DICER1: variants seen among roughly 807,000 people sequenced by gnomAD.
The protein encoded by DICER1 is endoribonuclease Dicer.
In DICER1, 43 loss-of-function variants were observed where a neutral mutation model predicts 194.1. The observed-to-expected ratio is 0.22, with a 90% CI of 0.17 to 0.29. The LOEUF is 0.29. Among genes scored for constraint, DICER1 ranks in the 10% least tolerant of loss-of-function variants. The pLI is 1.00. For missense variants in DICER1, 1,608 were observed against 2,317.0 expected, an observed-to-expected ratio of 0.69 and a Z score of 6.28; for synonymous variants, 832 against 820.5, an observed-to-expected ratio of 1.01 and a Z score of -0.24.
In DICER1 at chr14:95,089,233, T is replaced by C. The variant is rs1222600692; in HGVS notation, c.*1265A>G. The C allele has an allele frequency of 4.3e-6, 1 of 229,886 alleles. No individual in the cohort carries two copies. Among genetic ancestry groups the C allele is most frequent in the Non-Finnish European group, 8.6e-6 (1 of 116,650 alleles). The allele number at this position is 229,886 out of a possible 1,614,324, so 14.2% of individuals were successfully genotyped here. On this transcript the variant is annotated 3_prime_UTR_variant, in exon 27 of 27. Transcript: ENST00000343455. Reference sequence around the variant, plus strand: ...TTTTTTCCTTTTCCAAAGATGGAAATAATGAGCTAGTTTATCTAAATTAAT... The same window carrying C: ...TTTTTTCCTTTTCCAAAGATGGAAACAATGAGCTAGTTTATCTAAATTAAT...
rs1007316626 is a variant in DICER1 at position 95,115,601 on chromosome 14, G to A, written c.1907+66C>T. The A allele has an allele frequency of 1.3e-5, 20 of 1,553,514 alleles. No individual in the cohort carries two copies. In the African/African-American group the frequency reaches 1.6e-4, roughly 13 times the overall value. Reference sequence around the variant, plus strand: ...CCGCAAAATGTCAACAATACAAAATGTACAGGTTTAGACTTAAACTGTGCA... The same window carrying A: ...CCGCAAAATGTCAACAATACAAAATATACAGGTTTAGACTTAAACTGTGCA... On this transcript the variant is annotated intron_variant, in intron 11 of 26. Transcript: ENST00000343455.
At position 95,096,693 on chromosome 14, in the gene DICER1, C is replaced by T. The variant is rs766248937; in HGVS notation, c.4227G>A (p.Ala1409=). Residue 1409 remains alanine (A), a synonymous_variant, in exon 23 of 27, where the codon GCG becomes GCA. Transcript: ENST00000343455. ...KDEMTKDCML[A]NGKLDEDYEE... ...CGTAATCCTCATCCAGTTTGCCATT[C>T]GCCAGCATGCAGTCTTTTGTCTGAA... is the stretch of plus-strand genomic sequence containing the variant. 47 of 1,610,504 alleles carry T rather than the reference C, an allele frequency of 2.9e-5. No homozygotes were observed. In the South Asian group the frequency reaches 3.1e-4, roughly 11 times the overall value.
chr14:95,154,757 G>A (rs1211771), intron 1 of DICER1, among the ~76,000 whole-genome samples: 13 of 151,656 alleles, frequency 8.6e-5, no homozygotes, highest in African/African-American at 2.4e-4. Context: ...AGATGAAAAA[G>A]TATGGAGATG....
rs1003490037 is a variant in DICER1 at position 95,105,578 on chromosome 14, A to C, written c.3093+100T>G. On this transcript the variant is annotated intron_variant, in intron 19 of 26. Transcript: ENST00000343455. This position sits in a 1 kb window ranked among gnomAD's most constrained non-coding sequence, Gnocchi z 4.9. ...TAGGTAACTTCTAAAAAATTAACGA[A>C]TCATGCATTTAACTTGGTAAGATAA... is the stretch of plus-strand genomic sequence containing the variant. The C allele has an allele frequency of 1.6e-4, 151 of 950,704 alleles. 2 individuals carry two copies. The highest frequency in any genetic ancestry group is 3.0e-4 in the African/African-American group (18 of 61,016). The allele number at this position is 950,704 out of a possible 1,614,324, so 58.9% of individuals were successfully genotyped here.
At chr14:95,110,378 C>A (rs925524588) in intron 14 of DICER1, among the ~76,000 whole-genome samples, 6 of 152,226 alleles carry the variant, frequency 3.9e-5, no homozygotes, top group Non-Finnish European at 8.8e-5. Context: ...ACATGCATCC[C>A]CATGCTCACT....
chr14:95,117,297 TG>T (rs1892560144), intron 9 of DICER1, among the ~76,000 whole-genome samples: 1 of 152,140 alleles, frequency 6.6e-6, no homozygotes, highest in Non-Finnish European at 1.5e-5. Context: ...CATAGTCATA[TG>T]GAATGTACAA....
intron 1 of DICER1, among the ~76,000 whole-genome samples, chr14:95,145,510 A>C (rs1004583844): frequency 1.2e-4 from 18 of 152,244 alleles, no homozygotes; most frequent in Non-Finnish European, 2.4e-4. Context: ...AACAAGAAAT[A>C]GTAATAATCA....
At position 95,090,408 on chromosome 14, in the gene DICER1, T is replaced by C; in HGVS notation, c.*90A>G. 6.9e-7 allele frequency: 1 copy of C among 1,440,548 alleles called. No homozygotes were observed. The highest frequency in any genetic ancestry group is 9.7e-7 in the Non-Finnish European group (1 of 1,027,208). The allele number at this position is 1,440,548 out of a possible 1,614,324, so 89.2% of individuals were successfully genotyped here. On this transcript the variant is annotated 3_prime_UTR_variant, in exon 27 of 27. Coordinates refer to ENST00000343455, the MANE Select transcript of DICER1 (RefSeq NM_177438.3). ...TCTGCCTTCAATTCATTCCACTCAC[T>C]AACAACTTTAAGTCTTCCTTTCCGA...
At chr14:95,113,389 GT>G (rs1892157920) in intron 11 of DICER1, among the ~76,000 whole-genome samples, 165 bp from the exon 12 acceptor site, 2 of 152,356 alleles carry the variant, frequency 1.3e-5, no homozygotes, top group Non-Finnish European at 2.9e-5. Context: ...ACAGAATAGT[GT>G]TGTCTAACAG....
chr14:95,111,643 C>A (rs984282140), intron 13 of DICER1, among the ~76,000 whole-genome samples, 187 bp from the exon 14 acceptor site: 1 of 152,092 alleles, frequency 6.6e-6, no homozygotes, highest in Non-Finnish European at 1.5e-5. Context: ...TCCATATATT[C>A]CAATATGAGC....
Position 95,129,544 on chromosome 14 carries a change from T to A in DICER1, c.662A>T (p.Glu221Val), listed in dbSNP as rs757925350. 3 of 1,613,862 alleles carry A rather than the reference T, an allele frequency of 1.9e-6. No individual in the cohort carries two copies. In the East Asian group the frequency reaches 6.7e-5, roughly 36 times the overall value. The change falls in exon 6 of 27, where the codon GAA becomes GTA. Residue 221 changes from glutamate to valine, a missense_variant. By Grantham distance (121) the Glu-to-Val change is moderately radical. Transcript: ENST00000343455. ...AATTTTCTCTAGTTTCTGAATCTTTTCTTCCAATTCCTCTGGATCACATTT... is the reference window on the plus strand; with the variant it reads ...AATTTTCTCTAGTTTCTGAATCTTTACTTCCAATTCCTCTGGATCACATTT... ...NGKCDPEELE[E>V]KIQKLEKILK...
At chr14:95,152,369 G>T (rs953007466) in intron 1 of DICER1, among the ~76,000 whole-genome samples, 3 of 152,172 alleles carry the variant, frequency 2.0e-5, no homozygotes, top group African/African-American at 7.2e-5. Flanking sequence ...TAATATGCAA[G>T]CAATATTCTT....
chr14:95,150,811 C>T (rs1044771647), intron 1 of DICER1, among the ~76,000 whole-genome samples: 10 of 152,184 alleles, frequency 6.6e-5, no homozygotes, highest in African/African-American at 2.4e-4. Context: ...GACAAACTGA[C>T]AACACATACC....
chr14:95,121,545 T>C (rs1892938283), intron 8 of DICER1, among the ~76,000 whole-genome samples: 1 of 151,966 alleles, frequency 6.6e-6, no homozygotes, highest in South Asian at 2.1e-4. Flanking sequence ...AAAAAGTTAT[T>C]AGGAAAAAAA....
At position 95,136,819 on chromosome 14, in the gene DICER1, T is replaced by G. The variant is rs551395572; in HGVS notation, c.-45-3316A>C. On this transcript the variant is annotated intron_variant, in intron 1 of 26. Transcript: ENST00000343455. ...CTTAGGATGAAACCAGCACCGCAGA[T>G]GGCAAAAATAAAGAACCTGGGTCAT... The G allele has an allele frequency of 3.9e-5, 6 of 152,322 alleles. No individual in the cohort carries two copies. In the East Asian group the frequency reaches 1.2e-3, roughly 29 times the overall value. 9.4% of individuals were successfully genotyped at this position (152,322 alleles called of 1,614,324 possible). A position where few individuals can be genotyped will look rare whatever the true frequency, so the allele number is the denominator to read the frequency against.
chr14:95,090,190 C>G lies in DICER1; in HGVS notation c.*308G>C, dbSNP rs1889665504. 3 of 412,596 alleles carry G rather than the reference C, an allele frequency of 7.3e-6. No homozygotes were observed. The highest frequency in any genetic ancestry group is 4.1e-5 in the African/African-American group (2 of 48,500). The allele number at this position is 412,596 out of a possible 1,614,324, so 25.6% of individuals were successfully genotyped here. On this transcript the variant is annotated 3_prime_UTR_variant, in exon 27 of 27. Transcript: ENST00000343455. ...TAAACTCAAAAAAAAAAAAACAAAA[C>G]CTGTCAATTATTTTGAGCACTTGCT...
chr14:95,110,799 G>A (rs1476791632), intron 14 of DICER1, among the ~76,000 whole-genome samples: 1 of 152,136 alleles, frequency 6.6e-6, no homozygotes, highest in Non-Finnish European at 1.5e-5. Context: ...CACAGATTGA[G>A]CTGGAAACAC....
rs1889687463 is a variant in DICER1 at position 95,090,441 on chromosome 14, A to G, written c.*57T>C. 1.3e-6 allele frequency: 2 copies of G among 1,584,842 alleles called. No homozygotes were observed. The highest frequency in any genetic ancestry group is 1.7e-6 in the Non-Finnish European group (2 of 1,155,480). ...TTAAGTCTTCCTTTCCGATTTAAAT[A>G]ATTTTCCCCTTAATTTTTTTTGTTT... On this transcript the variant is annotated 3_prime_UTR_variant, in exon 27 of 27. Transcript: ENST00000343455.
At chr14:95,154,364 A>G (rs1016763104) in intron 1 of DICER1, among the ~76,000 whole-genome samples, 8 of 152,226 alleles carry the variant, frequency 5.3e-5, no homozygotes, top group Non-Finnish European at 1.5e-5. Flanking sequence ...TATATGTCTA[A>G]AAGAAGGGAA....
Sources: gnomAD v4.1 joint callset for allele counts (sites outside exome capture counted in the v4.1 genomes callset) on GRCh38, gnomAD v4.1.1 for gene constraint, Gnocchi (gnomAD v3.1) non-coding constraint, MANE v1.5 for transcripts, NCBI Gene and HGNC (gene_info 2026-07-23, HGNC 2026-07-21) for gene names.